SHISA9: variants seen among roughly 807,000 people sequenced by gnomAD.
SHISA9 encodes protein shisa-9.
Under a neutral mutation model 38.0 loss-of-function variants are expected in SHISA9, and 13 were observed. That is an observed-to-expected ratio of 0.34 (90% confidence interval 0.22 to 0.54). The LOEUF is 0.54. SHISA9 is among the 20% of genes least tolerant of loss of function. SHISA9 has a pLI of 0.91. For missense variants in SHISA9, 538 were observed against 575.8 expected, an observed-to-expected ratio of 0.93 and a Z score of 0.67; for synonymous variants, 275 against 242.0, an observed-to-expected ratio of 1.14 and a Z score of -1.27.
the SHISA9 span, among the ~76,000 whole-genome samples, chr16:13,290,796 G>A: frequency 6.6e-6 from 1 of 152,114 alleles, no homozygotes; most frequent in African/African-American, 2.4e-5. Context: ...AGGGGCCTTG[G>A]GACTTTGCTT....
chr16:13,190,081 CTTT>C (rs71395104), intron 2 of SHISA9, among the ~76,000 whole-genome samples: 9 of 144,994 alleles, frequency 6.2e-5, no homozygotes, highest in African/African-American at 1.5e-4. Flanking sequence ...ACCCTTTAGT[CTTT>C]TTTTTTTTTT....
At chr16:12,917,485 A>G (rs1053760059) in intron 2 of SHISA9, among the ~76,000 whole-genome samples, 3 of 152,122 alleles carry the variant, frequency 2.0e-5, no homozygotes, top group Non-Finnish European at 2.9e-5. Context: ...TTGTGTTTCA[A>G]TAGGTATTTT....
At chr16:13,131,482 G>A (rs1407717517) in intron 2 of SHISA9, among the ~76,000 whole-genome samples, 1 of 152,084 alleles carries the variant, frequency 6.6e-6, no homozygotes, top group East Asian at 1.9e-4. Flanking sequence ...TTGTGGGGAG[G>A]GGAGAGCATC....
At chr16:13,439,490 A>T in the SHISA9 span, among the ~76,000 whole-genome samples, 1 of 152,216 alleles carries the variant, frequency 6.6e-6, no homozygotes, top group Non-Finnish European at 1.5e-5. Flanking sequence ...AATATATACA[A>T]TTTTTGTTTG....
chr16:12,911,134 G>T, intron 1 of SHISA9: 4 of 426,148 alleles, frequency 9.4e-6, no homozygotes, highest in Non-Finnish European at 1.3e-5. Context: ...CACTCGGAGT[G>T]TGGCCTGTGA....
chr16:13,545,461 A>G, the SHISA9 span, among the ~76,000 whole-genome samples: 12 of 152,206 alleles, frequency 7.9e-5, no homozygotes, highest in Admixed American at 7.2e-4. Flanking sequence ...GCTTCCTACA[A>G]GGGAGTCTAT....
intron 2 of SHISA9, among the ~76,000 whole-genome samples, chr16:12,970,497 A>ATATATT (rs2072065619): frequency 4.0e-4 from 7 of 17,586 alleles, no homozygotes; most frequent in African/African-American, 4.9e-4. Context: ...ATATATATAT[A>ATATATT]TTTTTTTTTT....
chr16:13,160,977 T>A (rs534886709), intron 2 of SHISA9, among the ~76,000 whole-genome samples: 1 of 152,184 alleles, frequency 6.6e-6, no homozygotes, highest in African/African-American at 2.4e-5. Context: ...TTTTTCTTCC[T>A]AGCCCCATTC....
At chr16:13,517,279 A>G in the SHISA9 span, among the ~76,000 whole-genome samples, 1 of 152,174 alleles carries the variant, frequency 6.6e-6, no homozygotes, top group Non-Finnish European at 1.5e-5. Flanking sequence ...CAGCGGGTCC[A>G]AAAGGAACTA....
At chr16:12,905,438 T>G (rs1457426654) in intron 1 of SHISA9, among the ~76,000 whole-genome samples, 2 of 152,006 alleles carry the variant, frequency 1.3e-5, no homozygotes, top group Non-Finnish European at 2.9e-5. Flanking sequence ...AAATCTTCAT[T>G]TAACAACCCC....
the SHISA9 span, among the ~76,000 whole-genome samples, chr16:13,386,729 C>T: frequency 6.6e-6 from 1 of 152,138 alleles, no homozygotes; most frequent in Non-Finnish European, 1.5e-5. Context: ...TTCCTTTCTG[C>T]AGCAATATGT....
At chr16:13,187,953 C>T (rs950571543) in intron 2 of SHISA9, among the ~76,000 whole-genome samples, 2 of 152,150 alleles carry the variant, frequency 1.3e-5, no homozygotes, top group East Asian at 3.9e-4. Context: ...TAGAGATGTT[C>T]CCTCCTAGAG....
At chr16:13,515,864 A>G in the SHISA9 span, among the ~76,000 whole-genome samples, 2 of 152,228 alleles carry the variant, frequency 1.3e-5, no homozygotes, top group African/African-American at 4.8e-5. Flanking sequence ...CAGCTATAAT[A>G]TACTGAGAGA....
chr16:13,091,375 A>T (rs1052953932), intron 2 of SHISA9, among the ~76,000 whole-genome samples: 3 of 152,164 alleles, frequency 2.0e-5, no homozygotes, highest in African/African-American at 7.2e-5. Context: ...GTTCTCCTGG[A>T]TAATATCCTG....
intron 4 of SHISA9, among the ~76,000 whole-genome samples, chr16:13,222,805 TATATATACATACACAC>T (rs200871135): frequency 6.2e-5 from 8 of 128,146 alleles, no homozygotes; most frequent in East Asian, 3.6e-4. Flanking sequence ...TATATATATA[TATATATACATACACAC>T]ACCACAAGGT....
the SHISA9 span, among the ~76,000 whole-genome samples, chr16:13,433,747 C>T: frequency 1.9e-4 from 29 of 152,200 alleles, no homozygotes; most frequent in Non-Finnish European, 2.9e-5. Context: ...GAAGAGGTAG[C>T]ATTGGAACTG....
the SHISA9 span, among the ~76,000 whole-genome samples, chr16:13,527,348 C>T: frequency 6.6e-6 from 1 of 152,218 alleles, no homozygotes; most frequent in Admixed American, 6.5e-5. Context: ...TTTAGTACAA[C>T]ACCACTCCCA....
At chr16:13,226,668 T>C (rs547486079) in intron 4 of SHISA9, among the ~76,000 whole-genome samples, 19 of 152,312 alleles carry the variant, frequency 1.2e-4, no homozygotes, top group Middle Eastern at 3.4e-3. Context: ...AAGTTCTTGT[T>C]TGGGCTGGAT....
At chr16:13,462,018 G>A in the SHISA9 span, among the ~76,000 whole-genome samples, 1 of 151,974 alleles carries the variant, frequency 6.6e-6, no homozygotes, top group Non-Finnish European at 1.5e-5. Context: ...ATCTATTCAT[G>A]TAGCACTTTG....
Sources: gnomAD v4.1 joint callset for allele counts (sites outside exome capture counted in the v4.1 genomes callset) on GRCh38, gnomAD v4.1.1 for gene constraint, MANE v1.5 for transcripts, NCBI Gene and HGNC (gene_info 2026-07-23, HGNC 2026-07-21) for gene names.